The following GPR107 variants were observed in gnomAD, a reference collection of about 807,000 sequenced individuals.
The protein encoded by GPR107 is G protein-coupled receptor 107, also known as protein GPR107.
Under a neutral mutation model 75.5 loss-of-function variants are expected in GPR107, and 31 were observed. That is an observed-to-expected ratio of 0.41 (90% confidence interval 0.31 to 0.55). The LOEUF (loss-of-function observed/expected upper bound fraction) is 0.55, where lower values mean the gene tolerates loss of function less well. Ranked by LOEUF, GPR107 falls within the 20% of genes least tolerant of loss-of-function variation. GPR107 has a pLI of 0.26. For synonymous variants in GPR107, 267 were observed against 251.3 expected (o/e 1.06, Z -0.59); for missense variants, 572 against 665.7 (o/e 0.86, Z 1.55).
intron 1 of GPR107, among the ~76,000 whole-genome samples, chr9:130,065,979 C>CA (rs1194019127): frequency 6.6e-6 from 1 of 151,586 alleles, no homozygotes; most frequent in South Asian, 2.1e-4. Flanking sequence ...ATTCACTCCC[C>CA]CCCAAAAGTA....
intron 17 of GPR107, among the ~76,000 whole-genome samples, chr9:130,132,812 T>C (rs914699703): frequency 9.9e-4 from 105 of 106,232 alleles, no homozygotes; most frequent in South Asian, 2.4e-3. Flanking sequence ...AAAAAATATA[T>C]ATATATTTTT....
chr9:130,094,757 C>T (rs780006448), intron 9 of GPR107, among the ~76,000 whole-genome samples: 18 of 151,712 alleles, frequency 1.2e-4, no homozygotes, highest in Admixed American at 7.2e-4. Context: ...TTCAGCTCAC[C>T]GCAACCTCTG....
At chr9:130,056,123 T>C (rs1389411781) in intron 1 of GPR107, among the ~76,000 whole-genome samples, 2 of 151,718 alleles carry the variant, frequency 1.3e-5, no homozygotes, top group South Asian at 2.1e-4. Flanking sequence ...TTGAGAGCTA[T>C]AGAACCTCTC....
chr9:130,060,067 G>A (rs566321799), intron 1 of GPR107, among the ~76,000 whole-genome samples: 11 of 151,466 alleles, frequency 7.3e-5, no homozygotes, highest in African/African-American at 2.7e-4. Flanking sequence ...TTATTTCGGG[G>A]GGAGGTTGGG....
chr9:130,079,050 C>A (rs1830428956), intron 4 of GPR107, among the ~76,000 whole-genome samples: 2 of 152,202 alleles, frequency 1.3e-5, no homozygotes, highest in African/African-American at 4.8e-5. Context: ...CCTCCACCTC[C>A]CAGGTTCAAG....
chr9:130,065,281 C>T (rs1410193441), intron 1 of GPR107, among the ~76,000 whole-genome samples: 2 of 151,368 alleles, frequency 1.3e-5, no homozygotes, highest in Non-Finnish European at 2.9e-5. Context: ...GAAACCCCGT[C>T]TCTACTAAAA....
intron 1 of GPR107, among the ~76,000 whole-genome samples, chr9:130,070,753 T>G (rs994101800): frequency 6.6e-6 from 1 of 152,178 alleles, no homozygotes; most frequent in Non-Finnish European, 1.5e-5. Context: ...AGCCTTGCTT[T>G]GTCTCCCAGG....
At position 130,127,635 on chromosome 9, in the gene GPR107, A is replaced by G. The variant is rs1831719540; in HGVS notation, c.1440+69A>G. On this transcript the variant is annotated intron_variant, in intron 16 of 17. Coordinates refer to ENST00000347136, the MANE Select transcript of GPR107 (RefSeq NM_020960.5). ...GGATAAAGTCTTGAAGTGTAACTTA[A>G]CAGTTGTTACTAATTTATCTGGGAA... The G allele has an allele frequency of 3.7e-6, 3 of 821,310 alleles. No homozygotes were observed. The South Asian group carries it at 4.2e-5, about 12-fold the overall frequency. 50.9% of individuals were successfully genotyped at this position (821,310 alleles called of 1,614,324 possible).
intron 1 of GPR107, among the ~76,000 whole-genome samples, chr9:130,063,787 T>C (rs1375936734): frequency 6.6e-6 from 1 of 151,730 alleles, no homozygotes; most frequent in Non-Finnish European, 1.5e-5. Context: ...ACTGTATAGA[T>C]TTTTTTCTTC....
intron 17 of GPR107, among the ~76,000 whole-genome samples, chr9:130,132,552 C>T (rs62583930): frequency 8.0e-4 from 122 of 152,260 alleles, no homozygotes; most frequent in Non-Finnish European, 1.1e-3. Context: ...TTTGGGAGGC[C>T]GAGGCAGGTG....
chr9:130,126,582 T>G (rs2132652018), intron 15 of GPR107, among the ~76,000 whole-genome samples: 1 of 152,242 alleles, frequency 6.6e-6, no homozygotes, highest in African/African-American at 2.4e-5. Context: ...ACTCCTGACC[T>G]CAGGTGATCC....
intron 6 of GPR107, among the ~76,000 whole-genome samples, chr9:130,084,087 T>C (rs1404272383): frequency 2.2e-5 from 3 of 136,604 alleles, no homozygotes; most frequent in South Asian, 4.8e-4. Context: ...CATACATACA[T>C]ACACACACAC....
chr9:130,091,712 T>C (rs559852283), intron 8 of GPR107, among the ~76,000 whole-genome samples: 2,372 of 150,424 alleles, frequency 0.016, 26 homozygotes, highest in East Asian at 0.027. Flanking sequence ...TTTTTTTTTT[T>C]CCAGACGGAG....
chr9:130,114,241 C>T (rs542505286), intron 14 of GPR107, among the ~76,000 whole-genome samples: 1 of 132,934 alleles, frequency 7.5e-6, no homozygotes, highest in Admixed American at 7.6e-5. Context: ...TGGTAGCGCA[C>T]ACCTGTAATC....
Position 130,083,579 on chromosome 9 carries a change from A to G in GPR107, c.541A>G (p.Lys181Glu). ...CTTGCTTCTAGATGGTGGAAAGTCT[A>G]AAAGAAGTACAGTGGATTCAAAGGT... The part of the protein sequence containing the change: ...TQKTQDGGKS[K>E]RSTVDSKAMG... The change falls in exon 6 of 18, where the codon AAA becomes GAA. Residue 181 changes from lysine (K) to glutamate (E), a missense_variant. Transcript: ENST00000347136. 1.3e-6 allele frequency: 2 copies of G among 1,529,634 alleles called. No individual in the cohort carries two copies. Among genetic ancestry groups the G allele is most frequent in the Non-Finnish European group, 1.7e-6 (2 of 1,147,872 alleles). The allele number at this position is 1,529,634 out of a possible 1,614,324, so 94.8% of individuals were successfully genotyped here. A position where few individuals can be genotyped will look rare whatever the true frequency, so the allele number is the denominator to read the frequency against.
At chr9:130,085,754 A>ATTTTTTTTTTTTTTTTT (rs71387311) in intron 6 of GPR107, among the ~76,000 whole-genome samples, 1,681 of 78,480 alleles carry the variant, frequency 0.021, 416 homozygotes, top group African/African-American at 0.033. Flanking sequence ...CAATATTTTG[A>ATTTTTTTTTTTTTTTTT]TTTTTTTTTT....
chr9:130,095,729 G>A (rs1830851737), intron 9 of GPR107, among the ~76,000 whole-genome samples: 1 of 152,054 alleles, frequency 6.6e-6, no homozygotes, highest in African/African-American at 2.4e-5. Context: ...GTTAAATGAG[G>A]CTGACCTATT....
At position 130,132,956 on chromosome 9, in the gene GPR107, C is replaced by G. The variant is rs201527255; in HGVS notation, c.1563-2069C>G. On this transcript the variant is annotated intron_variant, in intron 17 of 17. Coordinates refer to ENST00000347136, the MANE Select transcript of GPR107 (RefSeq NM_020960.5). ...TTATATTTCTTCTTTTTGGAAACTC[C>G]CCTGACCTCCCACCCATCTTGTGGG... is the stretch of plus-strand genomic sequence containing the variant. The G allele has an allele frequency of 2.6e-5, 4 of 151,932 alleles. No individual in the cohort carries two copies. In the East Asian group the frequency reaches 7.7e-4, roughly 29 times the overall value. The allele number at this position is 151,932 out of a possible 1,614,324, so 9.4% of individuals were successfully genotyped here.
At chr9:130,098,877 G>A (rs1023936688) in intron 9 of GPR107, among the ~76,000 whole-genome samples, 5 of 134,746 alleles carry the variant, frequency 3.7e-5, no homozygotes, top group Admixed American at 7.5e-5. Context: ...ACATCTTGGC[G>A]CACGCCTGTA....
Sources: gnomAD v4.1 joint callset for allele counts (sites outside exome capture counted in the v4.1 genomes callset) on GRCh38, gnomAD v4.1.1 for gene constraint, MANE v1.5 for transcripts, NCBI Gene and HGNC (gene_info 2026-07-23, HGNC 2026-07-21) for gene names.